Variants in TOX2 observed in about 807,000 individuals in gnomAD.
TOX2 encodes the protein TOX high mobility group box family member 2.
Under a neutral mutation model 47.4 loss-of-function variants are expected in TOX2, and 15 were observed. The observed-to-expected ratio is 0.32, with a 90% CI of 0.21 to 0.49. TOX2 has a LOEUF of 0.49. Ranked by LOEUF, TOX2 falls within the 20% of genes least tolerant of loss-of-function variation. The probability of loss-of-function intolerance (pLI) is 0.99; values close to 1 mark genes in which losing one functional copy is unlikely to be tolerated. For missense variants in TOX2, 622 were observed against 673.1 expected (o/e 0.92, Z 0.84); for synonymous variants, 290 against 296.6 (o/e 0.98, Z 0.23).
intron 2 of TOX2, among the ~76,000 whole-genome samples, chr20:44,002,182 C>A (rs540076341): frequency 5.6e-4 from 85 of 152,324 alleles, no homozygotes; most frequent in African/African-American, 1.9e-3. Context: ...AACCCCTCTG[C>A]CCATTCTAAG....
intron 3 of TOX2, among the ~76,000 whole-genome samples, chr20:44,015,647 A>G (rs1173535628): frequency 1.3e-5 from 2 of 152,222 alleles, no homozygotes; most frequent in Non-Finnish European, 2.9e-5. Flanking sequence ...CTCAGGGGGA[A>G]ATGGCCTTTT....
intron 2 of TOX2, among the ~76,000 whole-genome samples, chr20:44,001,290 T>C (rs1051095358): frequency 6.6e-6 from 1 of 152,156 alleles, no homozygotes. Context: ...AAGCTCCATG[T>C]CCCTCATCTG....
chr20:43,966,902 A>T (rs1028117377), intron 1 of TOX2, among the ~76,000 whole-genome samples: 1 of 152,046 alleles, frequency 6.6e-6, no homozygotes, highest in African/African-American at 2.4e-5. Context: ...GAGTGAAGCG[A>T]TTGCCCAAAT....
rs368247726 is a variant in TOX2, at chr20:44,006,688, G to A, written c.307G>A (p.Gly103Ser). 1.8e-4 allele frequency: 293 copies of A among 1,613,988 alleles called. No individual in the cohort carries two copies. Among genetic ancestry groups the A allele is most frequent in the Non-Finnish European group, 2.4e-4 (278 of 1,180,038 alleles). Residue 103 changes from glycine (G) to serine (S), a missense_variant, in exon 3 of 9, where the codon GGT becomes AGT. Gly to Ser is a moderately conservative substitution (Grantham distance 56). Coordinates refer to ENST00000341197, the MANE Select transcript of TOX2 (RefSeq NM_001098797.2). Reference protein sequence around the residue: ...HSLCHGLTPNGLLPAYSYQAM... With the variant: ...HSLCHGLTPNSLLPAYSYQAM... ...GCTGTGCCACGGCCTCACCCCCAAC[G>A]GTCTGCTCCCTGCCTACTCCTATCA...
chr20:43,922,392 G>A (rs1000598182), intron 1 of TOX2, among the ~76,000 whole-genome samples: 1 of 152,188 alleles, frequency 6.6e-6, no homozygotes, highest in African/African-American at 2.4e-5. Flanking sequence ...AACCAGTGAT[G>A]TGGGAAGAAA....
chr20:44,064,890 T>G (rs771110008), intron 6 of TOX2, 33 bp downstream of exon 6: 66 of 1,604,862 alleles, frequency 4.1e-5, no homozygotes, highest in Non-Finnish European at 5.0e-5. Flanking sequence ...ACAGCCCTGA[T>G]CAGAGTGGGG....
At chr20:43,993,091 C>T (rs775334171) in intron 2 of TOX2, among the ~76,000 whole-genome samples, 26 of 152,094 alleles carry the variant, frequency 1.7e-4, no homozygotes, top group Non-Finnish European at 2.4e-4. Flanking sequence ...AGACACCATC[C>T]AGGCTGGCCA....
intron 2 of TOX2, among the ~76,000 whole-genome samples, chr20:43,983,515 G>A (rs988532359): frequency 2.0e-5 from 3 of 152,110 alleles, no homozygotes; most frequent in South Asian, 2.1e-4. Context: ...AGGTCCTTGC[G>A]GCCTCAAAGT....
intron 3 of TOX2, among the ~76,000 whole-genome samples, chr20:44,036,747 T>C (rs1280145815): frequency 1.3e-5 from 2 of 152,204 alleles, no homozygotes; most frequent in Non-Finnish European, 1.5e-5. Flanking sequence ...AGTTGAGTAG[T>C]GATTAGAGAC....
chr20:43,946,307 T>C (rs1436634539), intron 1 of TOX2, among the ~76,000 whole-genome samples: 2 of 150,062 alleles, frequency 1.3e-5, no homozygotes, highest in African/African-American at 5.0e-5. Context: ...CATTCATTCA[T>C]TCATTCATTC....
In TOX2 at chr20:43,938,941, G is replaced by A. The variant is rs540176670; in HGVS notation, c.99+23951G>A. Among the ~76,000 whole-genome samples the A allele has an allele frequency of 6.6e-4, 100 of 152,250 alleles. 3 individuals are homozygous for A. In the South Asian group the frequency reaches 0.02, roughly 30 times the overall value. ...CCTTATGGCCTCCTTGTGCAGCTCT[G>A]GCAGGAGTGGACAGGTGCCCTCGCT... On this transcript the variant is annotated intron_variant, in intron 1 of 8. Transcript: ENST00000341197.
At chr20:44,001,719 A>C (rs6073279) in intron 2 of TOX2, among the ~76,000 whole-genome samples, 29 of 152,080 alleles carry the variant, frequency 1.9e-4, no homozygotes, top group South Asian at 4.2e-4. Flanking sequence ...CTATTTTAAC[A>C]GTGCTGAGGG....
intron 5 of TOX2, among the ~76,000 whole-genome samples, chr20:44,060,235 C>A (rs1173427540): frequency 6.6e-6 from 1 of 152,022 alleles, no homozygotes; most frequent in African/African-American, 2.4e-5. Context: ...AACATTGGAG[C>A]TCCCAAATTT....
At chr20:43,960,318 C>G (rs534958513) in intron 1 of TOX2, among the ~76,000 whole-genome samples, 2 of 152,348 alleles carry the variant, frequency 1.3e-5, no homozygotes, top group East Asian at 3.9e-4. Context: ...GAGCCTCTCT[C>G]TGGGCAGCTC....
chr20:44,000,514 G>C (rs2070557965), intron 2 of TOX2, among the ~76,000 whole-genome samples: 1 of 152,036 alleles, frequency 6.6e-6, no homozygotes, highest in Admixed American at 6.6e-5. Flanking sequence ...AGTTGTTTGA[G>C]GTATCAATTA....
intron 1 of TOX2, among the ~76,000 whole-genome samples, chr20:43,947,384 C>G (rs1354533857): frequency 6.6e-6 from 1 of 152,224 alleles, no homozygotes; most frequent in Non-Finnish European, 1.5e-5. Context: ...CACTGTGTAA[C>G]ACTTTGCCTG....
At chr20:44,014,169 G>GTGTGTCTC (rs2070833041) in intron 3 of TOX2, among the ~76,000 whole-genome samples, 1 of 140,958 alleles carries the variant, frequency 7.1e-6, no homozygotes, top group South Asian at 2.4e-4. Flanking sequence ...AAAGAGAGAT[G>GTGTGTCTC]TGTGTCTCTC....
At chr20:44,009,320 G>A (rs2070742216) in intron 3 of TOX2, among the ~76,000 whole-genome samples, 1 of 152,126 alleles carries the variant, frequency 6.6e-6, no homozygotes, top group South Asian at 2.1e-4. Context: ...GAAGCTAGGT[G>A]GGAAATAAAA....
intron 1 of TOX2, among the ~76,000 whole-genome samples, chr20:43,954,358 C>T (rs2145403596): frequency 6.6e-6 from 1 of 152,362 alleles, no homozygotes; most frequent in Non-Finnish European, 1.5e-5. Flanking sequence ...CCTGTGTTTG[C>T]TGCACAGCAC....
Sources: allele counts gnomAD v4.1 joint callset (sites outside exome capture counted in the v4.1 genomes callset), GRCh38; gene constraint gnomAD v4.1.1; transcripts MANE v1.5; gene names NCBI Gene and HGNC (gene_info 2026-07-23, HGNC 2026-07-21).